Variants in WNK1 observed in about 807,000 individuals in gnomAD.
WNK1 encodes serine/threonine-protein kinase WNK1.
In WNK1, 38 loss-of-function variants were observed where a neutral mutation model predicts 222.8. The ratio of observed to expected loss-of-function variants is 0.17; its 90% CI spans 0.13 to 0.22. The LOEUF is 0.22. Ranked by LOEUF, WNK1 falls within the 10% of genes least tolerant of loss-of-function variation. The pLI is 1.00. For missense variants in WNK1, 2,348 were observed against 2,918.4 expected, an observed-to-expected ratio of 0.80 and a Z score of 4.50; for synonymous variants, 1,090 against 1,092.9, an observed-to-expected ratio of 1.00 and a Z score of 0.05.
intron 1 of WNK1, among the ~76,000 whole-genome samples, chr12:760,411 T>A (rs2153921215): frequency 6.8e-6 from 1 of 147,920 alleles, no homozygotes; most frequent in Non-Finnish European, 1.5e-5. Flanking sequence ...GAGCTTTGAG[T>A]AAGGAACTTA....
chr12:814,582 A>G (rs948662398), intron 2 of WNK1, among the ~76,000 whole-genome samples: 1 of 152,170 alleles, frequency 6.6e-6, no homozygotes, highest in African/African-American at 2.4e-5. Context: ...TTTCACAGAA[A>G]TAGGTTTAAT....
chr12:782,834 A>G (rs1215882511), intron 1 of WNK1, among the ~76,000 whole-genome samples: 1 of 151,966 alleles, frequency 6.6e-6, no homozygotes, highest in African/African-American at 2.4e-5. Flanking sequence ...CCACATTTAA[A>G]AAAAAACAGG....
chr12:761,542 A>AT (rs1366350707), intron 1 of WNK1, among the ~76,000 whole-genome samples: 1 of 147,968 alleles, frequency 6.8e-6, no homozygotes, highest in Admixed American at 6.7e-5. Flanking sequence ...AGACAATATT[A>AT]TTTTTGTCAG....
At chr12:862,036 T>C in intron 7 of WNK1, 47 bp from the exon 8 acceptor site, 1 of 1,610,050 alleles carries the variant, frequency 6.2e-7, no homozygotes. Flanking sequence ...CATTTTGTGA[T>C]TTGTCTTTCT....
chr12:822,751 A>G (rs1948006842), intron 2 of WNK1, among the ~76,000 whole-genome samples: 1 of 152,226 alleles, frequency 6.6e-6, no homozygotes, highest in Admixed American at 6.5e-5. Context: ...ATTATTTTAC[A>G]TGCATTTGTC....
chr12:906,284 T>G, intron 26 of WNK1: 1 of 982,824 alleles, frequency 1.0e-6, no homozygotes, highest in Non-Finnish European at 1.2e-6. Context: ...CTTTCCCTCT[T>G]CCCCAAAACG....
intron 1 of WNK1, among the ~76,000 whole-genome samples, chr12:778,691 C>T (rs1037273653): frequency 2.7e-5 from 4 of 148,212 alleles, no homozygotes; most frequent in African/African-American, 1.0e-4. Flanking sequence ...AAATATCTAT[C>T]GTGCTAACAT....
chr12:887,654 C>G (rs946600842), intron 20 of WNK1, among the ~76,000 whole-genome samples: 1 of 152,094 alleles, frequency 6.6e-6, no homozygotes, highest in Non-Finnish European at 1.5e-5. Flanking sequence ...TCAAAATTAA[C>G]TTTGAGAGTG....
At chr12:897,833 C>G (rs765898346) in intron 25 of WNK1, 152 bp downstream of exon 25, 2 of 753,254 alleles carry the variant, frequency 2.7e-6, no homozygotes, top group Admixed American at 2.3e-5. Flanking sequence ...GCTGTACTTA[C>G]ATTTATTGTA....
At chr12:776,006 A>G (rs1943041701) in intron 1 of WNK1, among the ~76,000 whole-genome samples, 1 of 152,162 alleles carries the variant, frequency 6.6e-6, no homozygotes, top group Non-Finnish European at 1.5e-5. Context: ...CTTGTAGTGC[A>G]CGTTAAAACT....
At chr12:897,786 G>A (rs1954876499) in intron 25 of WNK1, 105 bp downstream of exon 25, 2 of 1,239,824 alleles carry the variant, frequency 1.6e-6, no homozygotes, top group South Asian at 2.6e-5. Context: ...AAATTTCAAA[G>A]GAATTTGGCT....
At chr12:846,077 A>T (rs1950004711) in intron 4 of WNK1, among the ~76,000 whole-genome samples, 1 of 152,214 alleles carries the variant, frequency 6.6e-6, no homozygotes, top group African/African-American at 2.4e-5. Flanking sequence ...AAACATTAAC[A>T]TTATTTTCCT....
intron 4 of WNK1, among the ~76,000 whole-genome samples, chr12:850,244 T>G (rs1950320341): frequency 6.6e-6 from 1 of 152,214 alleles, no homozygotes; most frequent in African/African-American, 2.4e-5. Context: ...TTCCTGACTT[T>G]TTAATGATCG....
chr12:901,086 A>G (rs1248801568), intron 26 of WNK1: 2 of 300,476 alleles, frequency 6.7e-6, no homozygotes, highest in East Asian at 1.7e-4. Context: ...GAATAACCTT[A>G]CAATTCAGTT....
intron 1 of WNK1, 96 bp from the exon 2 acceptor site, chr12:813,546 G>A (rs964349552): frequency 1.3e-5 from 17 of 1,316,178 alleles, no homozygotes; most frequent in Admixed American, 1.2e-4. Flanking sequence ...AAACACCATC[G>A]ATCATGATTT....
rs374559191 is a variant in WNK1 at position 886,067 on chromosome 12, C to T, written c.5263C>T (p.Pro1755Ser). 1.9e-6 allele frequency: 3 copies of T among 1,606,134 alleles called. No individual in the cohort carries two copies. The highest frequency in any genetic ancestry group is 1.7e-5 in the Admixed American group (1 of 57,732). ...VKPGTAPSKP[P>S]LTKAPVLPVG... ...ACCTGGAACTGCTCCCTCCAAGCCA[C>T]CTCTAACTAAGGCTCCGGTAAAATT... Residue 1755 changes from proline to serine, a missense_variant, in exon 19 of 28, where the codon CCT (proline) becomes TCT (serine). Around this residue, in one of 13 missense-constraint regions of WNK1, gnomAD observed 1,144 missense variants for 1,273.6 expected, o/e 0.90. Coordinates refer to ENST00000315939, the MANE Select transcript of WNK1 (RefSeq NM_018979.4).
rs932461182 is a variant in WNK1 at position 880,730 on chromosome 12, C to T, written c.2842C>T (p.Pro948Ser). ...SGDVLYQGFPPRLPPQYPGDS... is the reference protein window; with the variant it reads ...SGDVLYQGFPSRLPPQYPGDS... ...CTCATTTCTGTCACAGGGCTTCCCA[C>T]CTCGACTGCCACCACAGTACCCAGG... The change falls in exon 12 of 28, where the codon CCT (proline) becomes TCT (serine). Residue 948 changes from proline to serine, a missense_variant. By Grantham distance (74) the Pro-to-Ser change is moderately conservative. Transcript: ENST00000315939. 2 of 1,613,782 alleles carry T rather than the reference C, an allele frequency of 1.2e-6. No homozygotes were observed. The highest frequency in any genetic ancestry group is 2.7e-5 in the African/African-American group (2 of 74,808).
At chr12:891,397 CAG>C (rs1473111035) in intron 22 of WNK1, among the ~76,000 whole-genome samples, 1 of 152,214 alleles carries the variant, frequency 6.6e-6, no homozygotes, top group Admixed American at 6.5e-5. Context: ...CTCGGCCTCC[CAG>C]AGTGCTGGGA....
intron 1 of WNK1, among the ~76,000 whole-genome samples, chr12:757,333 T>TTTTTTTTTTTTTTTTTGAA (rs1491212965): frequency 1.4e-5 from 1 of 71,490 alleles, no homozygotes. Context: ...TTTTTTTTTT[T>TTTTTTTTTTTTTTTTTGAA]AAAAAAAAAA....
Sources: allele counts gnomAD v4.1 joint callset (sites outside exome capture counted in the v4.1 genomes callset), GRCh38; gene constraint gnomAD v4.1.1; regional missense constraint gnomAD v4.1.1; transcripts MANE v1.5; gene names NCBI Gene and HGNC (gene_info 2026-07-23, HGNC 2026-07-21).